The following RAB2A variants were observed in gnomAD, a reference collection of about 807,000 sequenced individuals.
RAB2A encodes ras-related protein Rab-2A.
Under a neutral mutation model 32.5 loss-of-function variants are expected in RAB2A, and 7 were observed. That is an observed-to-expected ratio of 0.22 (90% confidence interval 0.12 to 0.40). The LOEUF is 0.40. Ranked by LOEUF, RAB2A falls within the 10% of genes least tolerant of loss-of-function variation. The pLI is 1.00. For missense variants in RAB2A, 108 were observed against 260.7 expected (o/e 0.41, Z 4.03); for synonymous variants, 79 against 85.2 (o/e 0.93, Z 0.40).
At chr8:60,559,864 T>G (rs1044214838) in intron 2 of RAB2A, among the ~76,000 whole-genome samples, 5 of 152,232 alleles carry the variant, frequency 3.3e-5, no homozygotes, top group African/African-American at 1.2e-4. Context: ...GTTCTGTGTG[T>G]TTTTAAAATA....
chr8:60,566,495 C>G (rs1335922411), intron 2 of RAB2A, among the ~76,000 whole-genome samples: 4 of 152,076 alleles, frequency 2.6e-5, no homozygotes, highest in Non-Finnish European at 4.4e-5. Flanking sequence ...CTCAAATCTA[C>G]TGTGGCTTCC....
chr8:60,520,648 G>A (rs1274372068), intron 1 of RAB2A, among the ~76,000 whole-genome samples: 1 of 152,106 alleles, frequency 6.6e-6, no homozygotes, highest in African/African-American at 2.4e-5. Flanking sequence ...CCATTCTTTT[G>A]AGAGTTTAAC....
At chr8:60,573,034 G>A (rs1226616191) in intron 3 of RAB2A, among the ~76,000 whole-genome samples, 1 of 151,384 alleles carries the variant, frequency 6.6e-6, no homozygotes, top group Non-Finnish European at 1.5e-5. Context: ...TGAGCCTTAC[G>A]TATGTTGTTT....
chr8:60,517,758 C>A (rs1048377544), intron 1 of RAB2A, among the ~76,000 whole-genome samples: 7 of 151,868 alleles, frequency 4.6e-5, no homozygotes, highest in Non-Finnish European at 5.9e-5. Context: ...GGACAGGCAG[C>A]CGAGAAAGAG....
At position 60,586,632 on chromosome 8, in the gene RAB2A, G is replaced by A. The variant is rs115768141; in HGVS notation, c.362+1817G>A. ...TCTCAAATTTATCTAAAAATTCATT[G>A]AAGGCCAGGTACAATGGCTCACATC... is the stretch of plus-strand genomic sequence containing the variant. On this transcript the variant is annotated intron_variant, in intron 5 of 7. Coordinates refer to ENST00000262646, the MANE Select transcript of RAB2A (RefSeq NM_002865.3). 1.1e-4 allele frequency among the ~76,000 whole-genome samples: 17 copies of A among 151,802 alleles called. No homozygotes were observed. In the East Asian group the frequency reaches 1.6e-3, roughly 14 times the overall value.
At chr8:60,611,491 G>T (rs1461281680) in intron 6 of RAB2A, among the ~76,000 whole-genome samples, 2 of 152,044 alleles carry the variant, frequency 1.3e-5, no homozygotes, top group African/African-American at 4.8e-5. Flanking sequence ...GCAACTGAAG[G>T]TTTTTCTTCT....
chr8:60,579,054 T>A (rs372855263), intron 3 of RAB2A, among the ~76,000 whole-genome samples: 1 of 152,112 alleles, frequency 6.6e-6, no homozygotes, highest in Non-Finnish European at 1.5e-5. Flanking sequence ...GTTTTTGTTT[T>A]GTTTTTGAGA....
At chr8:60,547,776 G>A (rs1330144732) in intron 1 of RAB2A, among the ~76,000 whole-genome samples, 24 of 129,450 alleles carry the variant, frequency 1.9e-4, no homozygotes, top group African/African-American at 5.1e-4. Flanking sequence ...CAGCAGGGGC[G>A]GCCGGGCAGA....
intron 3 of RAB2A, among the ~76,000 whole-genome samples, chr8:60,577,540 T>C (rs1245747732): frequency 6.6e-6 from 1 of 152,178 alleles, no homozygotes; most frequent in Admixed American, 6.5e-5. Flanking sequence ...CTGATCTTAC[T>C]GTCACCTGGA....
At chr8:60,592,564 C>G (rs1021450207) in intron 6 of RAB2A, among the ~76,000 whole-genome samples, 1 of 152,080 alleles carries the variant, frequency 6.6e-6, no homozygotes, top group Non-Finnish European at 1.5e-5. Context: ...ATCACCACTT[C>G]TGCTTAAAGT....
chr8:60,525,768 T>A (rs1807368306), intron 1 of RAB2A, among the ~76,000 whole-genome samples: 1 of 151,950 alleles, frequency 6.6e-6, no homozygotes, highest in African/African-American at 2.4e-5. Flanking sequence ...GGTACAGAGT[T>A]AGAGTTAGTG....
intron 1 of RAB2A, among the ~76,000 whole-genome samples, chr8:60,518,120 G>T (rs538053113): frequency 4.9e-4 from 75 of 152,202 alleles, no homozygotes; most frequent in Admixed American, 1.0e-3. Context: ...TTAAAATGAC[G>T]TCCTAGTATA....
At chr8:60,537,342 C>CG (rs1807573732) in intron 1 of RAB2A, among the ~76,000 whole-genome samples, 5 of 150,602 alleles carry the variant, frequency 3.3e-5, no homozygotes, top group Non-Finnish European at 5.9e-5. Flanking sequence ...GTGCCCCAGC[C>CG]TCCCAAGTAG....
intron 1 of RAB2A, among the ~76,000 whole-genome samples, chr8:60,520,527 A>C (rs548067846): frequency 5.3e-5 from 8 of 152,342 alleles, no homozygotes; most frequent in Middle Eastern, 3.4e-3. Flanking sequence ...ACAAAGGCAC[A>C]GGTTTGGTTG....
chr8:60,565,813 C>T (rs1475958485), intron 2 of RAB2A, among the ~76,000 whole-genome samples: 2 of 149,868 alleles, frequency 1.3e-5, no homozygotes, highest in African/African-American at 2.5e-5. Flanking sequence ...CAGGTTCAAG[C>T]GATTCTCCTG....
chr8:60,528,826 C>T (rs1301399858), intron 1 of RAB2A, among the ~76,000 whole-genome samples: 1 of 152,142 alleles, frequency 6.6e-6, no homozygotes, highest in African/African-American at 2.4e-5. Flanking sequence ...CCTCCCGCCT[C>T]AGCCCCCCGA....
chr8:60,609,015 G>A (rs542352100), intron 6 of RAB2A, among the ~76,000 whole-genome samples: 1 of 152,016 alleles, frequency 6.6e-6, no homozygotes, highest in South Asian at 2.1e-4. Context: ...GTGACCTCTG[G>A]GATCTTTCTA....
At chr8:60,604,126 T>C (rs1804184842) in intron 6 of RAB2A, among the ~76,000 whole-genome samples, 2 of 152,120 alleles carry the variant, frequency 1.3e-5, no homozygotes, top group Non-Finnish European at 2.9e-5. Flanking sequence ...TTTAAAAGCA[T>C]GTAGTACCTC....
At chr8:60,522,859 T>TA (rs955193690) in intron 1 of RAB2A, among the ~76,000 whole-genome samples, 12 of 147,976 alleles carry the variant, frequency 8.1e-5, no homozygotes, top group Admixed American at 2.7e-4. Context: ...AGTGTTTGTT[T>TA]AAAAAAAAAA....
Sources: gnomAD v4.1 joint callset for allele counts (sites outside exome capture counted in the v4.1 genomes callset) on GRCh38, gnomAD v4.1.1 for gene constraint, MANE v1.5 for transcripts, NCBI Gene and HGNC (gene_info 2026-07-23, HGNC 2026-07-21) for gene names.